CNTN5: variants seen among roughly 807,000 people sequenced by gnomAD.
CNTN5 encodes contactin-5.
CNTN5 carries 77 observed loss-of-function variants against 129.1 expected under a neutral mutation model. The ratio of observed to expected loss-of-function variants is 0.60; its 90% confidence interval spans 0.50 to 0.72. The LOEUF (loss-of-function observed/expected upper bound fraction) is 0.72. CNTN5 is among the 30% of genes least tolerant of loss of function. The pLI, the probability that CNTN5 is intolerant of heterozygous loss-of-function variation, is 0.00. For missense variants in CNTN5, 1,478 were observed against 1,328.8 expected (o/e 1.11, Z -1.75); for synonymous variants, 509 against 465.6 (o/e 1.09, Z -1.20).
chr11:99,763,061 G>A (rs1367613233), intron 3 of CNTN5, among the ~76,000 whole-genome samples: 3 of 151,962 alleles, frequency 2.0e-5, no homozygotes, highest in East Asian at 1.9e-4. Flanking sequence ...TCACTGCTAC[G>A]ATTTTCCATC....
chr11:100,005,413 T>G (rs1480319045), intron 9 of CNTN5, among the ~76,000 whole-genome samples: 1 of 152,130 alleles, frequency 6.6e-6, no homozygotes, highest in Non-Finnish European at 1.5e-5. Context: ...CTTTGTTAAC[T>G]TAGACCTACC....
rs949373908 is a variant in CNTN5, at chr11:100,258,322, T to C, written c.2164+2404T>C. ...CAAATATACGTTTGACTGGTGTACC[T>C]GAAAGTGACAGGGAGATGGGAACCA... is the stretch of plus-strand genomic sequence containing the variant. On this transcript the variant is annotated intron_variant, in intron 17 of 24. Coordinates refer to ENST00000524871, the MANE Select transcript of CNTN5 (RefSeq NM_014361.4). Among the ~76,000 whole-genome samples the C allele has an allele frequency of 3.9e-5, 6 of 152,162 alleles. No individual in the cohort carries two copies. In the East Asian group the frequency reaches 9.6e-4, roughly 24 times the overall value.
intron 1 of CNTN5, among the ~76,000 whole-genome samples, chr11:99,135,120 T>C (rs1229845551): frequency 1.3e-5 from 2 of 152,212 alleles, no homozygotes; most frequent in African/African-American, 2.4e-5. Flanking sequence ...TATTCATTCA[T>C]TGATTTATGC....
At chr11:99,799,298 G>A (rs1424543684) in intron 3 of CNTN5, among the ~76,000 whole-genome samples, 1 of 151,538 alleles carries the variant, frequency 6.6e-6, no homozygotes. Context: ...AATAGGAGTG[G>A]TGAGAATGGC....
At chr11:99,313,220 A>T (rs1201239699) in intron 1 of CNTN5, among the ~76,000 whole-genome samples, 1 of 152,044 alleles carries the variant, frequency 6.6e-6, no homozygotes, top group Non-Finnish European at 1.5e-5. Context: ...AGATTACTCC[A>T]GTAAAATAAC....
intron 18 of CNTN5, among the ~76,000 whole-genome samples, chr11:100,277,458 T>A (rs930508302): frequency 1.3e-5 from 2 of 152,176 alleles, no homozygotes; most frequent in African/African-American, 4.8e-5. Context: ...GAGTGTTTCC[T>A]TTTCTCTAGA....
intron 9 of CNTN5, among the ~76,000 whole-genome samples, chr11:100,007,167 C>G (rs1001195224): frequency 4.6e-5 from 7 of 151,966 alleles, no homozygotes; most frequent in Non-Finnish European, 8.8e-5. Context: ...GCAGTGTCAC[C>G]AGGCTTTGTT....
chr11:99,552,706 T>C (rs915515936), intron 2 of CNTN5, among the ~76,000 whole-genome samples: 2 of 152,088 alleles, frequency 1.3e-5, no homozygotes, highest in Non-Finnish European at 2.9e-5. Context: ...TCTAAAAAGT[T>C]AGAAGATGAA....
chr11:99,134,821 A>G (rs916565015), intron 1 of CNTN5, among the ~76,000 whole-genome samples: 1 of 152,342 alleles, frequency 6.6e-6, no homozygotes, highest in African/African-American at 2.4e-5. Flanking sequence ...TTAGGATCAG[A>G]TTTCTAATGA....
At chr11:100,125,159 A>G (rs1320034209) in intron 13 of CNTN5, among the ~76,000 whole-genome samples, 1 of 152,050 alleles carries the variant, frequency 6.6e-6, no homozygotes, top group Non-Finnish European at 1.5e-5. Context: ...TAGTTTATAC[A>G]GGCATTCTTT....
chr11:99,127,591 T>C (rs1858707002), intron 1 of CNTN5, among the ~76,000 whole-genome samples: 1 of 152,196 alleles, frequency 6.6e-6, no homozygotes, highest in South Asian at 2.1e-4. Context: ...GCAGTTTCTC[T>C]CTGGTCGGTG....
At chr11:99,953,783 T>C (rs1349394773) in intron 7 of CNTN5, among the ~76,000 whole-genome samples, 2 of 152,182 alleles carry the variant, frequency 1.3e-5, no homozygotes, top group South Asian at 2.1e-4. Context: ...ACCAAAAGCC[T>C]ATGCAGCACA....
intron 3 of CNTN5, among the ~76,000 whole-genome samples, chr11:99,611,916 A>G (rs1232401029): frequency 6.6e-6 from 1 of 152,190 alleles, no homozygotes; most frequent in African/African-American, 2.4e-5. Context: ...TAATCCTACA[A>G]TGAAGGAGGT....
intron 2 of CNTN5, among the ~76,000 whole-genome samples, chr11:99,346,862 G>A (rs4753947): frequency 0.99 from 150,628 of 152,282 alleles, 74,521 homozygotes; most frequent in East Asian, 1. Flanking sequence ...AAAGGAAACC[G>A]TTACCAGATA....
At chr11:99,835,804 G>A (rs1284138212) in intron 4 of CNTN5, among the ~76,000 whole-genome samples, 2 of 152,126 alleles carry the variant, frequency 1.3e-5, no homozygotes, top group African/African-American at 2.4e-5. Context: ...TCCTGTCATA[G>A]GCCCTAGGCC....
At chr11:100,304,310 A>AT (rs1951296870) in intron 20 of CNTN5, among the ~76,000 whole-genome samples, 2 of 151,682 alleles carry the variant, frequency 1.3e-5, no homozygotes, top group African/African-American at 4.8e-5. Flanking sequence ...ATATAATGCT[A>AT]GTACAGTCTC....
At chr11:99,294,568 T>C (rs1335243730) in intron 1 of CNTN5, among the ~76,000 whole-genome samples, 1 of 152,204 alleles carries the variant, frequency 6.6e-6, no homozygotes, top group African/African-American at 2.4e-5. Context: ...TTGGATGAAG[T>C]AATATTGTTA....
intron 3 of CNTN5, among the ~76,000 whole-genome samples, chr11:99,753,926 G>A (rs1944323087): frequency 6.7e-6 from 1 of 149,388 alleles, no homozygotes; most frequent in South Asian, 2.1e-4. Flanking sequence ...AAGCTCAAGT[G>A]ATCTGCCCGC....
intron 1 of CNTN5, among the ~76,000 whole-genome samples, chr11:99,099,393 G>T (rs1023125075): frequency 6.6e-6 from 1 of 151,930 alleles, no homozygotes; most frequent in South Asian, 2.1e-4. Flanking sequence ...AAATACCTGG[G>T]TATTGATATC....
Sources: gnomAD v4.1 joint callset for allele counts (sites outside exome capture counted in the v4.1 genomes callset) on GRCh38, gnomAD v4.1.1 for gene constraint, MANE v1.5 for transcripts, NCBI Gene and HGNC (gene_info 2026-07-23, HGNC 2026-07-21) for gene names.